POLA1: variants seen among roughly 807,000 people sequenced by gnomAD.
The protein encoded by POLA1 is DNA polymerase alpha 1, catalytic subunit, also known as DNA polymerase alpha catalytic subunit.
POLA1 carries 15 observed loss-of-function variants against 124.0 expected under a neutral mutation model. The ratio of observed to expected loss-of-function variants is 0.12; its 90% CI spans 0.08 to 0.19. The LOEUF is 0.19. Among genes scored for constraint, POLA1 ranks in the 10% least tolerant of loss-of-function variants. The pLI is 1.00. For synonymous variants in POLA1, 408 were observed against 389.4 expected (o/e 1.05, Z -0.56); for missense variants, 886 against 1,103.4 (o/e 0.80, Z 2.79).
At chrX:24,828,532 C>T (rs1052373018) in intron 32 of POLA1, among the ~76,000 whole-genome samples, 1 of 111,865 alleles carries the variant, frequency 8.9e-6, no homozygotes, top group East Asian at 2.8e-4. Context: ...TTTTCTTGCT[C>T]CCTCTATTTC....
At chrX:24,765,452 C>T (rs185541841) in intron 26 of POLA1, among the ~76,000 whole-genome samples, 125 of 109,484 alleles carry the variant, frequency 1.1e-3, no homozygotes, top group African/African-American at 4.0e-3. Context: ...CGCACCACCA[C>T]ACCCAGCTAA....
chrX:24,946,928 A>G (rs1055481704), intron 36 of POLA1, among the ~76,000 whole-genome samples: 4 of 111,784 alleles, frequency 3.6e-5, no homozygotes, highest in African/African-American at 9.8e-5. Context: ...ACATTCATCA[A>G]ACATTTAGCC....
intron 4 of POLA1, among the ~76,000 whole-genome samples, chrX:24,708,372 CTTTTT>C (rs397799733): frequency 8.9e-4 from 71 of 80,029 alleles, no homozygotes; most frequent in African/African-American, 3.0e-3. Context: ...CATGAAAATA[CTTTTT>C]TTTTTTTTTT....
At chrX:24,778,587 A>C (rs2045191676) in intron 26 of POLA1, among the ~76,000 whole-genome samples, 1 of 112,024 alleles carries the variant, frequency 8.9e-6, no homozygotes, top group South Asian at 3.7e-4. Flanking sequence ...AAATATGTTA[A>C]AATTAATTTG....
chrX:24,765,631 A>G (rs1438199013), intron 26 of POLA1, among the ~76,000 whole-genome samples: 2 of 109,582 alleles, frequency 1.8e-5, no homozygotes, highest in East Asian at 5.7e-4. Context: ...TTTCCTGACT[A>G]CTCTTTCTAA....
chrX:24,987,781 G>A (rs1455295807), intron 36 of POLA1, among the ~76,000 whole-genome samples: 1 of 111,327 alleles, frequency 9.0e-6, no homozygotes, highest in Non-Finnish European at 1.9e-5. Context: ...GTGTGCAGAA[G>A]GGAAAGGGTG....
chrX:24,850,932 C>G (rs1478581449), intron 34 of POLA1, among the ~76,000 whole-genome samples: 1 of 111,930 alleles, frequency 8.9e-6, no homozygotes, highest in African/African-American at 3.3e-5. Context: ...AGACCTGGGC[C>G]AGGGCCGTGA....
At chrX:24,708,224 A>G (rs1280469748) in intron 4 of POLA1, among the ~76,000 whole-genome samples, 2 of 111,182 alleles carry the variant, frequency 1.8e-5, no homozygotes, top group African/African-American at 6.5e-5. Flanking sequence ...CTGTTCATAC[A>G]CTATCAAGAC....
At chrX:24,775,330 C>T (rs112289426) in intron 26 of POLA1, 12 of 111,642 alleles carry the variant, frequency 1.1e-4, no homozygotes, top group East Asian at 5.6e-4. Context: ...AGTGAGAAGC[C>T]GAAAGAGTTG....
intron 36 of POLA1, among the ~76,000 whole-genome samples, chrX:24,990,122 G>A (rs1237060409): frequency 8.9e-6 from 1 of 112,029 alleles, no homozygotes; most frequent in Non-Finnish European, 1.9e-5. Context: ...GTACCTGATT[G>A]CAGGTAACAG....
At chrX:24,930,227 A>G (rs1447418538) in intron 35 of POLA1, among the ~76,000 whole-genome samples, 1 of 112,074 alleles carries the variant, frequency 8.9e-6, no homozygotes, top group African/African-American at 3.2e-5. Flanking sequence ...CTTCGCAAGT[A>G]GTAATCTATG....
chrX:24,963,988 T>C (rs1041844001), intron 36 of POLA1, among the ~76,000 whole-genome samples: 5 of 111,641 alleles, frequency 4.5e-5, no homozygotes, highest in Non-Finnish European at 7.5e-5. Context: ...TAGGTGCTAA[T>C]TGAGTCAAGT....
intron 24 of POLA1, among the ~76,000 whole-genome samples, chrX:24,746,115 G>T (rs766762944): frequency 9.0e-6 from 1 of 110,848 alleles, no homozygotes; most frequent in Non-Finnish European, 1.9e-5. Context: ...TTATATGTCA[G>T]TTCTCACCGC....
chrX:24,911,770 G>A (rs1484400306), intron 35 of POLA1, among the ~76,000 whole-genome samples: 1 of 111,441 alleles, frequency 9.0e-6, no homozygotes. Context: ...AGACCCCCAT[G>A]GACTTCTTTT....
chrX:24,704,025 T>TC (rs1291504910), intron 3 of POLA1, among the ~76,000 whole-genome samples: 1 of 112,079 alleles, frequency 8.9e-6, no homozygotes, highest in Non-Finnish European at 1.9e-5. Context: ...TTGCCAGTTT[T>TC]CCCTTGTAGA....
intron 15 of POLA1, among the ~76,000 whole-genome samples, chrX:24,728,750 G>A (rs1272091657): frequency 8.9e-6 from 1 of 111,894 alleles, no homozygotes; most frequent in African/African-American, 3.3e-5. Flanking sequence ...ACCTATTTGT[G>A]CAAGTCAAAT....
At chrX:24,832,565 C>T (rs190110604) in intron 32 of POLA1, among the ~76,000 whole-genome samples, 2 of 111,855 alleles carry the variant, frequency 1.8e-5, no homozygotes, top group Admixed American at 9.4e-5. Context: ...AGGAAAATTG[C>T]GGATTTCTCA....
chrX:24,877,915 G>GTTT (rs5901765), intron 34 of POLA1, among the ~76,000 whole-genome samples: 2 of 95,762 alleles, frequency 2.1e-5, no homozygotes, highest in Non-Finnish European at 4.2e-5. Context: ...GTTTTTTTTT[G>GTTT]TTTTTTTTTT....
At chrX:24,816,951 G>C (rs1399856508) in intron 30 of POLA1, among the ~76,000 whole-genome samples, 2 of 112,021 alleles carry the variant, frequency 1.8e-5, no homozygotes, top group Admixed American at 9.4e-5. Flanking sequence ...TAAAAGTAGA[G>C]AGCATGGTAT....
Sources: gnomAD v4.1 joint callset for allele counts (sites outside exome capture counted in the v4.1 genomes callset) on GRCh38, gnomAD v4.1.1 for gene constraint, MANE v1.5 for transcripts, NCBI Gene and HGNC (gene_info 2026-07-23, HGNC 2026-07-21) for gene names.